The following WHRN variants were observed in gnomAD, a reference collection of about 807,000 sequenced individuals.
The protein encoded by WHRN is CASK-interacting protein CIP98.
WHRN carries 41 observed loss-of-function variants against 68.3 expected under a neutral mutation model. The ratio of observed to expected loss-of-function variants is 0.60; its 90% CI spans 0.47 to 0.78. The LOEUF (loss-of-function observed/expected upper bound fraction) is 0.78. WHRN is among the 30% of genes least tolerant of loss of function. WHRN has a pLI of 0.00. For missense variants in WHRN, 1,243 were observed against 1,244.7 expected (o/e 1.00, Z 0.02); for synonymous variants, 560 against 561.3 (o/e 1.00, Z 0.03).
Position 114,403,921 on chromosome 9 carries a change from C to A in WHRN, c.2393G>T (p.Arg798Met). Reference sequence around the variant, plus strand: ...CGGTTTGTTGGCCCCATCTGTGGGCCTCTCGTTCCGAGGCAGCTCCTTGCT... The same window carrying A: ...CGGTTTGTTGGCCCCATCTGTGGGCATCTCGTTCCGAGGCAGCTCCTTGCT... The part of the protein sequence containing the change: ...RSSKELPRNE[R>M]PTDGANKPPG... The change falls in exon 10 of 12, where the codon AGG becomes ATG. Residue 798 changes from arginine to methionine, a missense_variant. Transcript: ENST00000362057. 1.2e-6 allele frequency: 2 copies of A among 1,611,250 alleles called. No homozygotes were observed. Among genetic ancestry groups the A allele is most frequent in the Non-Finnish European group, 1.7e-6 (2 of 1,180,016 alleles).
chr9:114,461,773 T>C (rs1446080863), intron 3 of WHRN, among the ~76,000 whole-genome samples: 1 of 152,216 alleles, frequency 6.6e-6, no homozygotes, highest in Non-Finnish European at 1.5e-5. Context: ...AAGACCAGGT[T>C]TGGTCTCCCC....
chr9:114,412,202 C>G (rs1371421027), intron 7 of WHRN, among the ~76,000 whole-genome samples: 1 of 152,236 alleles, frequency 6.6e-6, no homozygotes, highest in African/African-American at 2.4e-5. Context: ...AGTCCCCGAG[C>G]CATGTTCCTT....
intron 1 of WHRN, chr9:114,503,134 A>C: frequency 5.1e-6 from 5 of 985,464 alleles, no homozygotes; most frequent in Non-Finnish European, 6.0e-6. Context: ...AACGGCACTC[A>C]GGAGGAAGTA....
chr9:114,486,973 A>AT (rs1842583089), intron 1 of WHRN, among the ~76,000 whole-genome samples: 1 of 1,252 alleles, frequency 8.0e-4, no homozygotes, highest in African/African-American at 1.1e-3. Flanking sequence ...ATATATATAT[A>AT]TATATATATA....
intron 1 of WHRN, among the ~76,000 whole-genome samples, chr9:114,493,306 G>A (rs900764491): frequency 5.5e-5 from 7 of 126,836 alleles, no homozygotes; most frequent in Admixed American, 3.9e-4. Context: ...AGCTGTTATC[G>A]CGCCACTGCA....
At chr9:114,425,489 G>GTTTT in intron 4 of WHRN, 5 of 301,044 alleles carry the variant, frequency 1.7e-5, no homozygotes, top group African/African-American at 6.6e-5. Context: ...CAGAAATCCA[G>GTTTT]TTTTTTTTTT....
intron 3 of WHRN, among the ~76,000 whole-genome samples, chr9:114,462,116 T>C (rs1298572112): frequency 6.6e-6 from 1 of 152,158 alleles, no homozygotes; most frequent in East Asian, 1.9e-4. Context: ...ATGAAAACTA[T>C]AGGTGAAACA....
chr9:114,423,720 T>C (rs1410809304), intron 6 of WHRN, among the ~76,000 whole-genome samples, 197 bp from the exon 7 acceptor site: 1 of 152,158 alleles, frequency 6.6e-6, no homozygotes. Context: ...TCACTCCTGC[T>C]TCCCTGTCAT....
At chr9:114,463,613 T>C (rs1298830752) in intron 3 of WHRN, among the ~76,000 whole-genome samples, 1 of 152,222 alleles carries the variant, frequency 6.6e-6, no homozygotes, top group Non-Finnish European at 1.5e-5. Context: ...TTATACATGA[T>C]GTCAACACTA....
chr9:114,430,756 G>A (rs533275967), intron 3 of WHRN, among the ~76,000 whole-genome samples: 15 of 152,302 alleles, frequency 9.8e-5, no homozygotes, highest in Admixed American at 9.8e-4. Context: ...GCTGTGAAAT[G>A]GGAGTCACAC....
At chr9:114,435,630 G>A (rs993617051) in intron 3 of WHRN, among the ~76,000 whole-genome samples, 2 of 152,162 alleles carry the variant, frequency 1.3e-5, no homozygotes, top group Non-Finnish European at 2.9e-5. Flanking sequence ...CTGGTCCAAG[G>A]CTTCCTGGGC....
chr9:114,469,651 G>A (rs972514155), intron 2 of WHRN, among the ~76,000 whole-genome samples: 10 of 152,194 alleles, frequency 6.6e-5, no homozygotes, highest in Admixed American at 2.6e-4. Context: ...GCCGAGATCC[G>A]TGCTGAGAAG....
At chr9:114,477,119 C>G (rs1232955804) in intron 2 of WHRN, among the ~76,000 whole-genome samples, 1 of 152,220 alleles carries the variant, frequency 6.6e-6, no homozygotes, top group Non-Finnish European at 1.5e-5. Context: ...AACAAGCTAC[C>G]TGCTGCCGCT....
chr9:114,464,305 A>T (rs1840483744), intron 3 of WHRN, among the ~76,000 whole-genome samples: 1 of 152,214 alleles, frequency 6.6e-6, no homozygotes, highest in African/African-American at 2.4e-5. Context: ...CTGGGCTGCT[A>T]TAACAAAGTA....
chr9:114,494,833 CA>C (rs933295692), intron 1 of WHRN, among the ~76,000 whole-genome samples: 1 of 151,572 alleles, frequency 6.6e-6, no homozygotes, highest in African/African-American at 2.4e-5. Flanking sequence ...AGCCCTCTAT[CA>C]AAGGTTATTA....
In WHRN at chr9:114,478,785, G is replaced by T. The variant is rs1463294625; in HGVS notation, c.619-14C>A. 1.2e-6 allele frequency: 2 copies of T among 1,606,668 alleles called. No homozygotes were observed. ...GCCCTTCAGAGCCTAGGGAGAGAGGGATACAAAGGTTAGAGGAAGGGAGGT... is the reference window on the plus strand; with the variant it reads ...GCCCTTCAGAGCCTAGGGAGAGAGGTATACAAAGGTTAGAGGAAGGGAGGT... On this transcript the variant is annotated splice_polypyrimidine_tract_variant and intron_variant, in intron 1 of 11. Coordinates refer to ENST00000362057, the MANE Select transcript of WHRN (RefSeq NM_015404.4).
chr9:114,427,926 T>C (rs751186256), intron 3 of WHRN, among the ~76,000 whole-genome samples: 3 of 152,198 alleles, frequency 2.0e-5, no homozygotes, highest in Admixed American at 6.5e-5. Flanking sequence ...TCCTGTTCCA[T>C]TTAGCTCACG....
rs142406046 is a variant in WHRN, at chr9:114,488,886, C to T, written c.619-10115G>A. Among the ~76,000 whole-genome samples, 254 of 152,272 alleles carry T rather than the reference C, an allele frequency of 1.7e-3. 3 individuals are homozygous for T. The highest frequency in any genetic ancestry group is 3.0e-3 in the Non-Finnish European group (207 of 68,022). On this transcript the variant is annotated intron_variant, in intron 1 of 11. Transcript: ENST00000362057. ...CTCAGCCCAGTCACTGCAGAGCAAC[C>T]AGAGAATCCTTATAAAACATACGTG... is the stretch of plus-strand genomic sequence containing the variant.
intron 5 of WHRN, 103 bp downstream of exon 5, chr9:114,424,885 T>A (rs1365324389): frequency 3.9e-6 from 5 of 1,277,148 alleles, no homozygotes; most frequent in East Asian, 4.9e-5. Flanking sequence ...GCTGCCCAGT[T>A]GGAATGAGGT....
Sources: gnomAD v4.1 joint callset for allele counts (sites outside exome capture counted in the v4.1 genomes callset) on GRCh38, gnomAD v4.1.1 for gene constraint, MANE v1.5 for transcripts, NCBI Gene and HGNC (gene_info 2026-07-23, HGNC 2026-07-21) for gene names.